RANBP2: variants seen among roughly 807,000 people sequenced by gnomAD.
RANBP2 encodes the protein E3 SUMO-protein ligase RanBP2.
RANBP2 carries 57 observed loss-of-function variants against 303.6 expected under a neutral mutation model. The observed-to-expected ratio is 0.19, with a 90% CI of 0.15 to 0.23. The LOEUF is 0.23. RANBP2 is among the 10% of genes least tolerant of loss of function. The pLI is 1.00. For synonymous variants in RANBP2, 1,167 were observed against 1,301.5 expected (o/e 0.90, Z 2.23); for missense variants, 3,138 against 3,780.8 (o/e 0.83, Z 4.46).
intron 7 of RANBP2, among the ~76,000 whole-genome samples, chr2:108,744,837 CTAA>C (rs1408546501): frequency 2.6e-5 from 4 of 152,216 alleles, no homozygotes; most frequent in African/African-American, 9.6e-5. Flanking sequence ...TCCAAAGAAA[CTAA>C]TGTTATTGCT....
the RANBP2 span, among the ~76,000 whole-genome samples, chr2:108,845,793 G>A: frequency 1.3e-5 from 2 of 151,992 alleles, no homozygotes; most frequent in African/African-American, 2.4e-5. Context: ...GGATGGTCTC[G>A]ATCTCCTGAC....
chr2:109,170,482 A>G, the RANBP2 span, among the ~76,000 whole-genome samples: 3 of 151,940 alleles, frequency 2.0e-5, no homozygotes, highest in African/African-American at 7.3e-5. Context: ...AGTAGCTGGG[A>G]CTGCAGGCGC....
the RANBP2 span, among the ~76,000 whole-genome samples, chr2:109,001,682 G>A: frequency 1.8e-3 from 273 of 152,290 alleles, no homozygotes; most frequent in South Asian, 0.017. Flanking sequence ...CTGTCTTTAG[G>A]AGGGCTTATT....
the RANBP2 span, among the ~76,000 whole-genome samples, chr2:109,075,566 G>T: frequency 2.9e-5 from 2 of 69,336 alleles, no homozygotes; most frequent in African/African-American, 1.1e-4. Flanking sequence ...AAATCAACAT[G>T]CCCTTAGACA....
chr2:108,722,923 C>A (rs13023733), intron 1 of RANBP2, among the ~76,000 whole-genome samples: 1 of 152,280 alleles, frequency 6.6e-6, no homozygotes, highest in South Asian at 2.1e-4. Context: ...AAATATAATT[C>A]TTTCTCTAGT....
At chr2:109,453,454 A>G in the RANBP2 span, among the ~76,000 whole-genome samples, 5 of 152,202 alleles carry the variant, frequency 3.3e-5, no homozygotes, top group African/African-American at 1.2e-4. Context: ...CTGGTTTTGA[A>G]ACTGTGTGAG....
chr2:109,265,594 A>T, the RANBP2 span, among the ~76,000 whole-genome samples: 1 of 152,064 alleles, frequency 6.6e-6, no homozygotes, highest in Non-Finnish European at 1.5e-5. Context: ...CTCCCAGATG[A>T]CTCAGAAAGC....
the RANBP2 span, among the ~76,000 whole-genome samples, chr2:109,362,297 T>C: frequency 6.6e-6 from 1 of 152,346 alleles, no homozygotes; most frequent in African/African-American, 2.4e-5. Context: ...TTTTTTAAAT[T>C]TCTCTTGAGA....
the RANBP2 span, among the ~76,000 whole-genome samples, chr2:108,820,181 G>T: frequency 6.6e-6 from 1 of 152,316 alleles, no homozygotes; most frequent in South Asian, 2.1e-4. Context: ...GCCAAGGCAG[G>T]AGGGTCACTT....
the RANBP2 span, among the ~76,000 whole-genome samples, chr2:109,418,945 T>G: frequency 6.6e-6 from 1 of 152,128 alleles, no homozygotes; most frequent in East Asian, 1.9e-4. Context: ...GCCCCCCCAC[T>G]GTCCCCAGAG....
At chr2:109,368,810 A>G in the RANBP2 span, among the ~76,000 whole-genome samples, 2 of 151,854 alleles carry the variant, frequency 1.3e-5, no homozygotes, top group East Asian at 3.9e-4. Context: ...TTAAATTTCT[A>G]TCTTGTGATA....
the RANBP2 span, among the ~76,000 whole-genome samples, chr2:108,909,442 T>TGAATCGTAGGAAGATCATG: frequency 1.3e-5 from 2 of 151,412 alleles, no homozygotes; most frequent in African/African-American, 4.9e-5. Context: ...CTTTGCAAGG[T>TGAATCGTAGGAAGATCATG]GAATCATAGG....
At chr2:109,429,673 G>T in the RANBP2 span, among the ~76,000 whole-genome samples, 1 of 152,140 alleles carries the variant, frequency 6.6e-6, no homozygotes, top group South Asian at 2.1e-4. Context: ...GACAGCTCCA[G>T]CAGCCCAGCC....
In RANBP2 at chr2:108,763,789, G is replaced by C; in HGVS notation, c.3250G>C (p.Ala1084Pro). 1.2e-6 allele frequency: 2 copies of C among 1,614,074 alleles called. No individual in the cohort carries two copies. The highest frequency in any genetic ancestry group is 1.7e-6 in the Non-Finnish European group (2 of 1,179,984). ...KPLQGDGYSG[A>P]KPIPGGQTIG... is the part of the protein sequence containing the mutation. ...CTTGCAAGGAGATGGCTATAGTGGA[G>C]CCAAACCAATTCCTGGTGGTCAAAC... is the stretch of plus-strand genomic sequence containing the variant. The change falls in exon 20 of 29, where the codon GCC becomes CCC. Residue 1084 changes from alanine (A) to proline (P), a missense_variant. This residue lies in a region of RANBP2 where 403 missense variants were observed against 376.7 expected (regional missense o/e 1.07). Coordinates refer to ENST00000283195, the MANE Select transcript of RANBP2 (RefSeq NM_006267.5).
At chr2:108,953,102 C>T in the RANBP2 span, among the ~76,000 whole-genome samples, 1 of 152,172 alleles carries the variant, frequency 6.6e-6, no homozygotes, top group Non-Finnish European at 1.5e-5. Flanking sequence ...GTGGGGTATC[C>T]ATCCCCTCAA....
chr2:109,464,390 A>G, the RANBP2 span, among the ~76,000 whole-genome samples: 1 of 152,252 alleles, frequency 6.6e-6, no homozygotes, highest in African/African-American at 2.4e-5. Flanking sequence ...ATCTACATGA[A>G]TACATAACAA....
At chr2:108,919,093 G>C in the RANBP2 span, among the ~76,000 whole-genome samples, 1 of 152,190 alleles carries the variant, frequency 6.6e-6, no homozygotes, top group Non-Finnish European at 1.5e-5. Flanking sequence ...AGTCAGGTCT[G>C]AGAGGCTCTG....
the RANBP2 span, among the ~76,000 whole-genome samples, chr2:109,682,292 A>G: frequency 4.8e-3 from 724 of 152,298 alleles, 3 homozygotes; most frequent in African/African-American, 0.016. Flanking sequence ...TACACAATGA[A>G]TGTTTTAGTA....
chr2:108,739,633 T>TCCAAA (rs1211950630), intron 6 of RANBP2, among the ~76,000 whole-genome samples: 8 of 152,194 alleles, frequency 5.3e-5, no homozygotes, highest in African/African-American at 1.9e-4. Context: ...TTTACTTTTC[T>TCCAAA]TCCAAAGTGA....
Sources: allele counts gnomAD v4.1 joint callset (sites outside exome capture counted in the v4.1 genomes callset), GRCh38; gene constraint gnomAD v4.1.1; regional missense constraint gnomAD v4.1.1; transcripts MANE v1.5; gene names NCBI Gene and HGNC (gene_info 2026-07-23, HGNC 2026-07-21).